The following AGAP1 variants were observed in gnomAD, a reference collection of about 807,000 sequenced individuals.
AGAP1 encodes arf-GAP with GTPase, ANK repeat and PH domain-containing protein 1.
A neutral mutation model predicts 105.3 loss-of-function variants in AGAP1; 29 were observed. That is an observed-to-expected ratio of 0.28 (90% CI 0.21 to 0.38). AGAP1 has a LOEUF of 0.38. Among genes scored for constraint, AGAP1 ranks in the 10% least tolerant of loss-of-function variants. The pLI is 1.00. For synonymous variants in AGAP1, 509 were observed against 485.9 expected (o/e 1.05, Z -0.63); for missense variants, 998 against 1,165.1 (o/e 0.86, Z 2.09).
intron 16 of AGAP1, among the ~76,000 whole-genome samples, chr2:236,066,112 G>C (rs1025751760): frequency 6.6e-6 from 1 of 152,238 alleles, no homozygotes; most frequent in African/African-American, 2.4e-5. Flanking sequence ...CCCAAGCTCT[G>C]GAGGGGACAC....
At chr2:235,499,939 G>A (rs1037034539) in intron 1 of AGAP1, among the ~76,000 whole-genome samples, 3 of 152,140 alleles carry the variant, frequency 2.0e-5, no homozygotes, top group Non-Finnish European at 2.9e-5. Flanking sequence ...GCTCCTTCTT[G>A]GTAGGATAAA....
At chr2:235,617,734 T>C (rs889131902) in intron 1 of AGAP1, among the ~76,000 whole-genome samples, 3 of 152,214 alleles carry the variant, frequency 2.0e-5, no homozygotes, top group Non-Finnish European at 4.4e-5. Context: ...TTTTGAGTTA[T>C]AATCTCTGTT....
intron 6 of AGAP1, among the ~76,000 whole-genome samples, chr2:235,791,196 C>T (rs1956953612): frequency 6.6e-6 from 1 of 152,050 alleles, no homozygotes; most frequent in East Asian, 1.9e-4. Context: ...CTTTTCACTC[C>T]GAAGTCACAC....
At chr2:235,796,886 T>C (rs1407525555) in intron 6 of AGAP1, among the ~76,000 whole-genome samples, 2 of 152,232 alleles carry the variant, frequency 1.3e-5, no homozygotes, top group African/African-American at 4.8e-5. Flanking sequence ...AGTGACACCA[T>C]TGGTGTAGGA....
intron 9 of AGAP1, among the ~76,000 whole-genome samples, chr2:235,846,499 G>GAT (rs1261377521): frequency 1.1e-5 from 1 of 93,316 alleles, no homozygotes; most frequent in Admixed American, 1.4e-4. Flanking sequence ...GCTAATTTTT[G>GAT]GTTTTTTTTT....
At chr2:235,519,670 A>G (rs1224904338) in intron 1 of AGAP1, among the ~76,000 whole-genome samples, 2 of 152,232 alleles carry the variant, frequency 1.3e-5, no homozygotes, top group African/African-American at 4.8e-5. Flanking sequence ...CAAAAAATCC[A>G]AACACACATA....
Position 235,866,939 on chromosome 2 carries a change from C to G in AGAP1, c.1051-16406C>G, listed in dbSNP as rs141650697. The stretch of plus-strand genomic sequence containing the variant: ...GCCCTGACTCCAAATAGAGTCACAT[C>G]GTGAGTGCTGGGCGTTAGGATCTCA... On this transcript the variant is annotated intron_variant, in intron 9 of 17. Transcript: ENST00000304032. This position sits in a 1 kb window ranked among gnomAD's most constrained non-coding sequence, Gnocchi z 6.1. 1.6e-4 allele frequency among the ~76,000 whole-genome samples: 24 copies of G among 152,288 alleles called. No individual in the cohort carries two copies. Among genetic ancestry groups the G allele is most frequent in the African/African-American group, 5.8e-4 (24 of 41,558 alleles).
intron 1 of AGAP1, among the ~76,000 whole-genome samples, chr2:235,548,977 C>G (rs1943716884): frequency 6.6e-6 from 1 of 152,212 alleles, no homozygotes; most frequent in Non-Finnish European, 1.5e-5. Flanking sequence ...TACCCCTGCT[C>G]TGGAGCGGAC....
At chr2:235,512,869 C>A (rs1000750898) in intron 1 of AGAP1, among the ~76,000 whole-genome samples, 1 of 152,164 alleles carries the variant, frequency 6.6e-6, no homozygotes, top group Non-Finnish European at 1.5e-5. Context: ...AAATATTATT[C>A]TTTTAAGTGC....
At chr2:235,912,875 A>G (rs534011242) in intron 11 of AGAP1, among the ~76,000 whole-genome samples, 1 of 152,166 alleles carries the variant, frequency 6.6e-6, no homozygotes, top group East Asian at 1.9e-4. Flanking sequence ...GATTTCTTTA[A>G]TCGGTAATGA....
At chr2:235,636,973 C>T (rs1035257256) in intron 1 of AGAP1, among the ~76,000 whole-genome samples, 6 of 152,126 alleles carry the variant, frequency 3.9e-5, no homozygotes, top group African/African-American at 2.4e-5. Context: ...GACAGAGGCT[C>T]GCAGCAGACC....
At chr2:236,079,758 C>T (rs1042959461) in intron 16 of AGAP1, among the ~76,000 whole-genome samples, 5 of 151,972 alleles carry the variant, frequency 3.3e-5, no homozygotes, top group Non-Finnish European at 5.9e-5. Context: ...GTGGTACAGA[C>T]GGAGGGAACC....
Position 235,494,606 on chromosome 2 carries a change from C to G in AGAP1, c.-81C>G. The G allele has an allele frequency of 1.4e-6, 1 of 736,650 alleles. No individual in the cohort carries two copies. The highest frequency in any genetic ancestry group is 1.4e-4 in the East Asian group (1 of 7,000). The allele number at this position is 736,650 out of a possible 1,614,324, so 45.6% of individuals were successfully genotyped here. On this transcript the variant is annotated 5_prime_UTR_variant, in exon 1 of 18. Transcript: ENST00000304032. ...CCGGCTCCCCGGGGGCTGCGGCGCC[C>G]CGGGCTCGGCGGCCCGCGGGCCCCG...
intron 1 of AGAP1, among the ~76,000 whole-genome samples, chr2:235,668,878 A>G (rs778361426): frequency 2.6e-5 from 4 of 152,264 alleles, no homozygotes; most frequent in Non-Finnish European, 5.9e-5. Flanking sequence ...GTGGAAAAGC[A>G]AGTGGTTTGT....
intron 2 of AGAP1, among the ~76,000 whole-genome samples, chr2:235,709,452 C>T (rs1406393269): frequency 6.6e-6 from 1 of 152,140 alleles, no homozygotes; most frequent in South Asian, 2.1e-4. Flanking sequence ...CCATGACTGC[C>T]ACTCAGCCAG....
chr2:236,094,231 G>A (rs541970678), intron 16 of AGAP1, among the ~76,000 whole-genome samples: 5 of 151,798 alleles, frequency 3.3e-5, no homozygotes, highest in African/African-American at 9.7e-5. Context: ...ACGTCAGGAG[G>A]ATTGCTCGAG....
intron 9 of AGAP1, among the ~76,000 whole-genome samples, chr2:235,851,177 G>A (rs376167129): frequency 1.3e-5 from 2 of 152,256 alleles, no homozygotes; most frequent in African/African-American, 4.8e-5. Flanking sequence ...CTCACAGCCT[G>A]GCCTAGAGTG....
rs113503459 is a variant in AGAP1, at chr2:235,545,872, C to A, written c.163+51023C>A. Reference sequence around the variant, plus strand: ...CTCCGATATCTGGTGAAGCACCAGGCATCGTAGGCATTGCTGAGTATTTGG... The same window carrying A: ...CTCCGATATCTGGTGAAGCACCAGGAATCGTAGGCATTGCTGAGTATTTGG... On this transcript the variant is annotated intron_variant, in intron 1 of 17. Coordinates refer to ENST00000304032, the MANE Select transcript of AGAP1 (RefSeq NM_001037131.3). Among the ~76,000 whole-genome samples, 60 of 152,324 alleles carry A rather than the reference C, an allele frequency of 3.9e-4. 1 individual carries two copies. The highest frequency in any genetic ancestry group is 1.3e-3 in the African/African-American group (55 of 41,570).
intron 16 of AGAP1, among the ~76,000 whole-genome samples, chr2:236,097,621 G>A (rs968185342): frequency 4.6e-5 from 7 of 151,878 alleles, no homozygotes; most frequent in African/African-American, 1.5e-4. Context: ...TCAGCCAGGC[G>A]CAGTGTCTCA....
Sources: allele counts gnomAD v4.1 joint callset (sites outside exome capture counted in the v4.1 genomes callset), GRCh38; gene constraint gnomAD v4.1.1; non-coding constraint Gnocchi (gnomAD v3.1); transcripts MANE v1.5; gene names NCBI Gene and HGNC (gene_info 2026-07-23, HGNC 2026-07-21).